TBC1D19: variants seen among roughly 807,000 people sequenced by gnomAD.
TBC1D19 encodes TBC1 domain family member 19.
In TBC1D19, 60 loss-of-function variants were observed where a neutral mutation model predicts 89.0. The observed-to-expected ratio is 0.67, with a 90% CI of 0.55 to 0.84. The LOEUF (loss-of-function observed/expected upper bound fraction) is 0.84, where lower values mean the gene tolerates loss of function less well. Among genes scored for constraint, TBC1D19 ranks in the 40% least tolerant of loss-of-function variants. TBC1D19 has a pLI of 0.00. For synonymous variants in TBC1D19, 189 were observed against 199.7 expected (o/e 0.95, Z 0.45); for missense variants, 500 against 610.8 (o/e 0.82, Z 1.91).
the TBC1D19 span, among the ~76,000 whole-genome samples, chr4:26,790,274 T>C: frequency 2.0e-5 from 3 of 152,190 alleles, no homozygotes; most frequent in Admixed American, 6.5e-5. Context: ...TGCGGGATGA[T>C]GGTGCCATCA....
chr4:26,607,697 T>C (rs114598925), intron 1 of TBC1D19, among the ~76,000 whole-genome samples: 2,417 of 152,340 alleles, frequency 0.016, 34 homozygotes, highest in Non-Finnish European at 0.025. Context: ...TCAGATGCAC[T>C]AAATATCAAG....
the TBC1D19 span, among the ~76,000 whole-genome samples, chr4:26,793,960 C>G: frequency 2.0e-5 from 3 of 152,108 alleles, no homozygotes; most frequent in Admixed American, 2.0e-4. Flanking sequence ...GTCATGTGAC[C>G]ATTGGCTGAT....
the TBC1D19 span, among the ~76,000 whole-genome samples, chr4:26,831,826 C>T: frequency 1.3e-5 from 2 of 152,034 alleles, no homozygotes; most frequent in African/African-American, 2.4e-5. Context: ...CTCCTGACCT[C>T]GTGATCTGCC....
At chr4:26,616,140 G>T (rs76926918) in intron 3 of TBC1D19, among the ~76,000 whole-genome samples, 2,061 of 152,118 alleles carry the variant, frequency 0.014, 23 homozygotes, top group African/African-American at 0.017. Context: ...AAACAAAAAA[G>T]CAGATGGGAG....
chr4:26,855,116 T>C, the TBC1D19 span, among the ~76,000 whole-genome samples: 3 of 152,204 alleles, frequency 2.0e-5, no homozygotes, highest in Non-Finnish European at 4.4e-5. Flanking sequence ...GCGTGGCTCA[T>C]GTCTCCCTTC....
chr4:26,598,488 G>C (rs1300394140), intron 1 of TBC1D19, among the ~76,000 whole-genome samples: 1 of 152,066 alleles, frequency 6.6e-6, no homozygotes, highest in African/African-American at 2.4e-5. Context: ...TCCGCCTCCC[G>C]GTTTCACGCC....
At chr4:26,808,924 C>T in the TBC1D19 span, among the ~76,000 whole-genome samples, 2 of 152,206 alleles carry the variant, frequency 1.3e-5, no homozygotes, top group Admixed American at 6.5e-5. Context: ...AGAAAGAGAA[C>T]GCTGGACTCT....
chr4:26,851,876 C>A, the TBC1D19 span, among the ~76,000 whole-genome samples: 3 of 152,182 alleles, frequency 2.0e-5, no homozygotes, highest in Non-Finnish European at 4.4e-5. Flanking sequence ...CCACCACGCT[C>A]AGCTATCAAG....
chr4:26,674,218 G>C (rs1577914836), intron 11 of TBC1D19, among the ~76,000 whole-genome samples: 2 of 152,184 alleles, frequency 1.3e-5, no homozygotes, highest in East Asian at 3.9e-4. Flanking sequence ...TTAGACTACG[G>C]AGAAATAAAG....
intron 1 of TBC1D19, among the ~76,000 whole-genome samples, chr4:26,601,457 A>G (rs1222094867): frequency 6.6e-6 from 1 of 152,196 alleles, no homozygotes; most frequent in Non-Finnish European, 1.5e-5. Flanking sequence ...AAGAATGCAA[A>G]TGAATAAGGT....
At chr4:26,741,008 TTA>T (rs1718335805) in intron 17 of TBC1D19, 1 of 912,890 alleles carries the variant, frequency 1.1e-6, no homozygotes, top group African/African-American at 1.8e-5. Context: ...TGTTCTTATC[TTA>T]CTTTAATATT....
intron 15 of TBC1D19, among the ~76,000 whole-genome samples, chr4:26,722,003 T>C (rs1717009212): frequency 6.6e-6 from 1 of 152,138 alleles, no homozygotes; most frequent in Non-Finnish European, 1.5e-5. Context: ...CCATAGTACC[T>C]GGTCTAAACT....
intron 18 of TBC1D19, among the ~76,000 whole-genome samples, chr4:26,746,549 G>C (rs1191291502): frequency 6.6e-6 from 1 of 151,716 alleles, no homozygotes; most frequent in Non-Finnish European, 1.5e-5. Context: ...TTTCCATCTG[G>C]TTCTTCATAC....
At chr4:26,639,515 C>T (rs946440957) in intron 6 of TBC1D19, among the ~76,000 whole-genome samples, 17 of 151,882 alleles carry the variant, frequency 1.1e-4, no homozygotes, top group African/African-American at 3.1e-4. Flanking sequence ...GTGAAAAATA[C>T]GTTTGAAGAC....
the TBC1D19 span, among the ~76,000 whole-genome samples, chr4:26,827,130 C>T: frequency 6.6e-6 from 1 of 152,232 alleles, no homozygotes; most frequent in African/African-American, 2.4e-5. Context: ...CTGATGGAGA[C>T]TGCTCTTCCA....
the TBC1D19 span, among the ~76,000 whole-genome samples, chr4:26,800,601 A>G: frequency 6.6e-6 from 1 of 152,128 alleles, no homozygotes; most frequent in Non-Finnish European, 1.5e-5. Context: ...GCAATGGTTG[A>G]ACTAGTTTAC....
the TBC1D19 span, among the ~76,000 whole-genome samples, chr4:26,818,692 T>C: frequency 2.6e-5 from 4 of 152,376 alleles, no homozygotes; most frequent in African/African-American, 9.6e-5. Flanking sequence ...ATTTTTGTCC[T>C]GAACCTTTTT....
At chr4:26,611,615 T>A (rs148169390) in intron 1 of TBC1D19, among the ~76,000 whole-genome samples, 1 of 152,296 alleles carries the variant, frequency 6.6e-6, no homozygotes, top group East Asian at 1.9e-4. Flanking sequence ...TTTTGCTCAA[T>A]GCCTAGAATT....
intron 11 of TBC1D19, among the ~76,000 whole-genome samples, chr4:26,680,822 T>C (rs1454675203): frequency 1.3e-5 from 2 of 152,210 alleles, no homozygotes; most frequent in Non-Finnish European, 2.9e-5. Context: ...CTCTCGTTTT[T>C]CTTTATTTAG....
Sources: allele counts gnomAD v4.1 joint callset (sites outside exome capture counted in the v4.1 genomes callset), GRCh38; gene constraint gnomAD v4.1.1; transcripts MANE v1.5; gene names NCBI Gene and HGNC (gene_info 2026-07-23, HGNC 2026-07-21).